SULT4A1: variants seen among roughly 807,000 people sequenced by gnomAD.
SULT4A1 encodes sulfotransferase family 4A member 1, also known as sulfotransferase 4A1.
Under a neutral mutation model 35.2 loss-of-function variants are expected in SULT4A1, and 11 were observed. The ratio of observed to expected loss-of-function variants is 0.31; its 90% confidence interval spans 0.20 to 0.52. The LOEUF (loss-of-function observed/expected upper bound fraction) is 0.52, where lower values mean the gene tolerates loss of function less well. SULT4A1 is among the 20% of genes least tolerant of loss of function. SULT4A1 has a pLI of 0.97. For missense variants in SULT4A1, 271 were observed against 383.7 expected, an observed-to-expected ratio of 0.71 and a Z score of 2.45; for synonymous variants, 152 against 151.8, an observed-to-expected ratio of 1.00 and a Z score of -0.01.
intron 6 of SULT4A1, chr22:43,827,781 A>ACACG: frequency 2.3e-6 from 1 of 427,372 alleles, no homozygotes. Flanking sequence ...ACACACACAC[A>ACACG]CGTGAACCAA....
chr22:43,847,111 C>T (rs928166645), intron 1 of SULT4A1, among the ~76,000 whole-genome samples: 26 of 152,108 alleles, frequency 1.7e-4, no homozygotes, highest in African/African-American at 5.6e-4. Context: ...ACATCAATTT[C>T]CTGGTTGAAC....
rs116240532 is a variant in SULT4A1 at position 43,832,819 on chromosome 22, C to T, written c.603+821G>A. ...TCCTACCCCTGGGCTTTCTGACCTC[C>T]AACTCCAGCACTGGCTCACCCTCCC... On this transcript the variant is annotated intron_variant, in intron 5 of 6. Coordinates refer to ENST00000330884, the MANE Select transcript of SULT4A1 (RefSeq NM_014351.4). 4.6e-3 allele frequency among the ~76,000 whole-genome samples: 697 copies of T among 152,208 alleles called. 5 individuals carry two copies. Among genetic ancestry groups the T allele is most frequent in the African/African-American group, 0.016 (669 of 41,512 alleles).
At chr22:43,855,224 T>C (rs1443333563) in intron 1 of SULT4A1, among the ~76,000 whole-genome samples, 12 of 151,946 alleles carry the variant, frequency 7.9e-5, no homozygotes, top group Non-Finnish European at 1.2e-4. Flanking sequence ...ACCTGCAGAG[T>C]TGGGCTGGCC....
chr22:43,841,659 C>T, intron 2 of SULT4A1, 143 bp downstream of exon 2: 1 of 1,323,974 alleles, frequency 7.6e-7, no homozygotes, highest in Non-Finnish European at 1.0e-6. Context: ...CAGCTCAGGC[C>T]TGCCAGCTTC....
chr22:43,832,234 G>T (rs577112610), intron 5 of SULT4A1, among the ~76,000 whole-genome samples: 1 of 152,328 alleles, frequency 6.6e-6, no homozygotes, highest in African/African-American at 2.4e-5. Flanking sequence ...GTCAAGTTGT[G>T]TGGACAAGAG....
At chr22:43,861,011 G>A (rs2049461211) in intron 1 of SULT4A1, among the ~76,000 whole-genome samples, 1 of 152,194 alleles carries the variant, frequency 6.6e-6, no homozygotes, top group African/African-American at 2.4e-5. Context: ...TAGAGCACTT[G>A]GCCCGCAGGA....
Position 43,829,049 on chromosome 22 carries a change from G to GGGGCACGTACCCCGGCCCACGGGCA in SULT4A1, c.728_742+10dup. The GGGGCACGTACCCCGGCCCACGGGCA allele has an allele frequency of 6.6e-7, 1 of 1,516,412 alleles. No homozygotes were observed. The highest frequency in any genetic ancestry group is 8.9e-7 in the Non-Finnish European group (1 of 1,125,672). The allele number at this position is 1,516,412 out of a possible 1,614,324, so 93.9% of individuals were successfully genotyped here. On this transcript the variant is annotated intron_variant, in intron 6 of 6. Transcript: ENST00000330884. ...GGAGTGCCTGGGCGGGAGGCAGGGT[G>GGGGCACGTACCCCGGCCCACGGGCA]GGGCACGTACCCCGGCCCACGGGCA...
At chr22:43,859,971 G>A (rs891176910) in intron 1 of SULT4A1, among the ~76,000 whole-genome samples, 2 of 152,188 alleles carry the variant, frequency 1.3e-5, no homozygotes, top group Non-Finnish European at 2.9e-5. Flanking sequence ...AAAAGAATCC[G>A]AGCAAGCAGC....
rs528303277 is a variant in SULT4A1 at position 43,826,393 on chromosome 22, C to T, written c.743-280G>A. The T allele has an allele frequency of 2.2e-5, 22 of 985,380 alleles. No individual in the cohort carries two copies. The South Asian group carries it at 3.3e-4, about 15-fold the overall frequency. 61.0% of individuals were successfully genotyped at this position (985,380 alleles called of 1,614,324 possible). The stretch of plus-strand genomic sequence containing the variant: ...CCTCCTGGTGCCATTCCACACCCCC[C>T]GCTGGGGCCCACCAGGGAGACTCTA... On this transcript the variant is annotated intron_variant, in intron 6 of 6. Coordinates refer to ENST00000330884, the MANE Select transcript of SULT4A1 (RefSeq NM_014351.4).
At position 43,862,427 on chromosome 22, in the gene SULT4A1, C is replaced by CCGCCCG. The variant is rs1318308712; in HGVS notation, c.-46_-45insCGGGCG. On this transcript the variant is annotated 5_prime_UTR_variant, in exon 1 of 7. Coordinates refer to ENST00000330884, the MANE Select transcript of SULT4A1 (RefSeq NM_014351.4). ...CCGCCGCCGCCTCCCGGCTCGCAGC[C>CCGCCCG]CGCACGCGCCCGCGCCCGCGCCCGC... The CCGCCCG allele has an allele frequency of 1.6e-5, 15 of 934,182 alleles. No homozygotes were observed. The highest frequency in any genetic ancestry group is 5.4e-4 in the Middle Eastern group (1 of 1,848). 57.9% of individuals were successfully genotyped at this position (934,182 alleles called of 1,614,324 possible).
intron 3 of SULT4A1, 32 bp downstream of exon 3, chr22:43,839,913 C>T: frequency 6.3e-7 from 1 of 1,580,264 alleles, no homozygotes; most frequent in Non-Finnish European, 8.6e-7. Flanking sequence ...GGTGGGGACT[C>T]ATCTCGGGAG....
At chr22:43,842,793 C>T (rs990430832) in intron 1 of SULT4A1, among the ~76,000 whole-genome samples, 5 of 152,094 alleles carry the variant, frequency 3.3e-5, no homozygotes, top group South Asian at 2.1e-4. Flanking sequence ...GACACAAAGG[C>T]GATTCCGGGG....
intron 5 of SULT4A1, among the ~76,000 whole-genome samples, chr22:43,832,586 A>G (rs1001392234): frequency 6.6e-6 from 1 of 151,074 alleles, no homozygotes; most frequent in Admixed American, 6.6e-5. Context: ...CAGTGCACAC[A>G]CCCCCACCCC....
chr22:43,833,901 T>C (rs2148280926), intron 4 of SULT4A1, among the ~76,000 whole-genome samples, 167 bp from the exon 5 acceptor site: 1 of 152,318 alleles, frequency 6.6e-6, no homozygotes, highest in South Asian at 2.1e-4. Flanking sequence ...ACTCACGTCT[T>C]GAGCCATCCC....
intron 4 of SULT4A1, among the ~76,000 whole-genome samples, 198 bp from the exon 5 acceptor site, chr22:43,833,932 G>A (rs1055270121): frequency 2.4e-4 from 36 of 152,210 alleles, no homozygotes; most frequent in African/African-American, 8.0e-4. Context: ...CCTTCGGCAC[G>A]CCTTGAAGGC....
intron 5 of SULT4A1, among the ~76,000 whole-genome samples, chr22:43,832,979 C>T (rs759300813): frequency 6.6e-5 from 10 of 152,130 alleles, no homozygotes; most frequent in Non-Finnish European, 1.0e-4. Context: ...CTTGTCTGTC[C>T]CCTACATCGA....
chr22:43,837,450 G>C (rs991338897), intron 4 of SULT4A1, among the ~76,000 whole-genome samples: 1 of 152,238 alleles, frequency 6.6e-6, no homozygotes, highest in African/African-American at 2.4e-5. Context: ...AACAGCTTCA[G>C]AAGTCCATGA....
At chr22:43,833,140 G>T (rs892635653) in intron 5 of SULT4A1, among the ~76,000 whole-genome samples, 1 of 151,968 alleles carries the variant, frequency 6.6e-6, no homozygotes, top group Non-Finnish European at 1.5e-5. Context: ...CCTCTGCCTA[G>T]GCTCCAGCCC....
intron 1 of SULT4A1, among the ~76,000 whole-genome samples, chr22:43,859,600 C>T (rs1603410495): frequency 6.6e-6 from 1 of 152,238 alleles, no homozygotes; most frequent in Non-Finnish European, 1.5e-5. Context: ...TTAATACAAC[C>T]ACCGTCCCAG....
Sources: gnomAD v4.1 joint callset for allele counts (sites outside exome capture counted in the v4.1 genomes callset) on GRCh38, gnomAD v4.1.1 for gene constraint, MANE v1.5 for transcripts, NCBI Gene and HGNC (gene_info 2026-07-23, HGNC 2026-07-21) for gene names.